The following KCTD1 variants were observed in gnomAD, a reference collection of about 807,000 sequenced individuals.
The protein encoded by KCTD1 is potassium channel tetramerization domain containing 1.
A neutral mutation model predicts 66.0 loss-of-function variants in KCTD1; 24 were observed. The ratio of observed to expected loss-of-function variants is 0.36; its 90% CI spans 0.26 to 0.51. The LOEUF is 0.51. Among genes scored for constraint, KCTD1 ranks in the 20% least tolerant of loss-of-function variants. KCTD1 has a pLI of 0.95. For synonymous variants in KCTD1, 511 were observed against 517.2 expected, an observed-to-expected ratio of 0.99 and a Z score of 0.16; for missense variants, 943 against 1,205.2, an observed-to-expected ratio of 0.78 and a Z score of 3.22.
At chr18:26,596,120 C>T (rs918781360) in intron 1 of KCTD1, among the ~76,000 whole-genome samples, 4 of 152,062 alleles carry the variant, frequency 2.6e-5, no homozygotes, top group African/African-American at 9.7e-5. Flanking sequence ...TTTGTATCCC[C>T]CACAGATTCA....
chr18:26,548,230 C>G lies in KCTD1; in HGVS notation c.307G>C (p.Glu103Gln), dbSNP rs1567989729. Residue 103 changes from glutamate to glutamine, a missense_variant, in exon 1 of 5, where the codon GAG becomes CAG. Transcript: ENST00000580059. ...EEEEMGLDWD[E>Q]PLEPEDSAGE... Reference sequence around the variant, plus strand: ...GCCGAGTCCTCGGGCTCCAGGGGCTCGTCCCAGTCCAGCCCCATCTCCTCC... The same window carrying G: ...GCCGAGTCCTCGGGCTCCAGGGGCTGGTCCCAGTCCAGCCCCATCTCCTCC... 2 of 1,510,332 alleles carry G rather than the reference C, an allele frequency of 1.3e-6. No individual in the cohort carries two copies. Among genetic ancestry groups the G allele is most frequent in the Non-Finnish European group, 1.8e-6 (2 of 1,133,098 alleles). 93.6% of individuals were successfully genotyped at this position (1,510,332 alleles called of 1,614,324 possible).
upstream of KCTD1, among the ~76,000 whole-genome samples, chr18:26,553,308 A>G (rs1236208506): frequency 6.6e-6 from 1 of 151,838 alleles, no homozygotes; most frequent in African/African-American, 2.4e-5. Context: ...TGTTTTTTGA[A>G]CTCAGATGAA....
chr18:26,647,338 C>CCA (rs1555649534), intron 1 of KCTD1, among the ~76,000 whole-genome samples: 2 of 149,340 alleles, frequency 1.3e-5, no homozygotes, highest in Non-Finnish European at 3.0e-5. Flanking sequence ...GAAACCCCCC[C>CCA]CCCATCTCTA....
chr18:26,488,333 T>C (rs1020769177), intron 2 of KCTD1, among the ~76,000 whole-genome samples: 3 of 152,200 alleles, frequency 2.0e-5, no homozygotes, highest in Admixed American at 1.3e-4. Flanking sequence ...TGATGTACCT[T>C]CTTTAGGGCC....
rs765620782 is a variant in KCTD1, at chr18:26,459,775, T to C, written c.2284A>G (p.Arg762Gly). 1 of 1,614,206 alleles carries C rather than the reference T, an allele frequency of 6.2e-7. No individual in the cohort carries two copies. Among genetic ancestry groups the C allele is most frequent in the Non-Finnish European group, 8.5e-7 (1 of 1,180,038 alleles). Reference protein sequence around the residue: ...VVRVAPDLGERITLSGDKSLI... With the variant: ...VVRVAPDLGEGITLSGDKSLI... ...GATTTGTCACCGCTTAGCGTGATCCTTTCTCCGAGGTCTGGGGCCACACGC... is the reference window on the plus strand; with the variant it reads ...GATTTGTCACCGCTTAGCGTGATCCCTTCTCCGAGGTCTGGGGCCACACGC... The change falls in exon 4 of 5, where the codon AGG (arginine) becomes GGG (glycine). Residue 762 changes from arginine (R) to glycine (G), a missense_variant. Physicochemically the swap from Arg to Gly is moderately radical, Grantham distance 125. Around this residue, in one of 10 missense-constraint regions of KCTD1, gnomAD observed 162 missense variants for 232.4 expected, o/e 0.70. Transcript: ENST00000580059.
At chr18:26,597,059 G>A (rs749953173) in intron 1 of KCTD1, among the ~76,000 whole-genome samples, 27 of 152,180 alleles carry the variant, frequency 1.8e-4, no homozygotes, top group Non-Finnish European at 3.4e-4. Context: ...GAGTCTCGGT[G>A]GGTAAAGAGA....
chr18:26,656,238 C>T (rs1261325227), intron 1 of KCTD1, among the ~76,000 whole-genome samples: 1 of 152,138 alleles, frequency 6.6e-6, no homozygotes, highest in Admixed American at 6.5e-5. Flanking sequence ...TGGCGCTGAC[C>T]GCAGCGCCGG....
chr18:26,539,103 G>A (rs1217609370), intron 1 of KCTD1, among the ~76,000 whole-genome samples: 1 of 152,042 alleles, frequency 6.6e-6, no homozygotes, highest in Non-Finnish European at 1.5e-5. Context: ...TCTTTTATTT[G>A]AACAGTTGAT....
chr18:26,602,212 T>C (rs1221821956), intron 1 of KCTD1, among the ~76,000 whole-genome samples: 1 of 152,242 alleles, frequency 6.6e-6, no homozygotes, highest in Admixed American at 6.5e-5. Flanking sequence ...GATTTTTCTG[T>C]GTCAATTGAG....
chr18:26,634,036 C>T (rs886206414), upstream of KCTD1, among the ~76,000 whole-genome samples: 1 of 152,172 alleles, frequency 6.6e-6, no homozygotes, highest in African/African-American at 2.4e-5. Context: ...ATCTCAAAAA[C>T]ATGCTGACAA....
Position 26,456,073 on chromosome 18 carries a change from A to T in KCTD1, c.2440-172T>A, listed in dbSNP as rs555382295. The T allele has an allele frequency of 3.3e-6, 2 of 602,286 alleles. 1 individual carries two copies. Among genetic ancestry groups the T allele is most frequent in the South Asian group, 4.9e-5 (2 of 40,806 alleles). The allele number at this position is 602,286 out of a possible 1,614,324, so 37.3% of individuals were successfully genotyped here. The stretch of plus-strand genomic sequence containing the variant: ...CTGGATTAATGGGCAGGAGAGAGGA[A>T]GCAAGCATTTCTAATGCCTAAAATG... On this transcript the variant is annotated intron_variant, in intron 4 of 4. Coordinates refer to ENST00000580059, the MANE Select transcript of KCTD1 (RefSeq NM_001142730.3).
chr18:26,475,110 C>T (rs888596425), intron 3 of KCTD1, among the ~76,000 whole-genome samples: 21 of 152,154 alleles, frequency 1.4e-4, no homozygotes, highest in African/African-American at 4.8e-4. Context: ...TTGTATATTT[C>T]AGTGCTGTCA....
intron 1 of KCTD1, among the ~76,000 whole-genome samples, chr18:26,622,388 C>T (rs1443465553): frequency 6.6e-6 from 1 of 152,192 alleles, no homozygotes; most frequent in Non-Finnish European, 1.5e-5. Context: ...ACCACAGACT[C>T]AACTTGCTCC....
upstream of KCTD1, chr18:26,629,261 AT>A (rs1349287408): frequency 2.5e-4 from 244 of 969,606 alleles, no homozygotes; most frequent in Non-Finnish European, 2.9e-4. Context: ...AAAGCGTAAA[AT>A]TGGGCCAGCC....
chr18:26,547,280 G>C lies in KCTD1; in HGVS notation c.1257C>G (p.Thr419=). 2 of 1,551,706 alleles carry C rather than the reference G, an allele frequency of 1.3e-6. No individual in the cohort carries two copies. The highest frequency in any genetic ancestry group is 1.7e-6 in the Non-Finnish European group (2 of 1,146,988). Residue 419 remains threonine, a synonymous_variant, in exon 1 of 5, where the codon ACC becomes ACG. Coordinates refer to ENST00000580059, the MANE Select transcript of KCTD1 (RefSeq NM_001142730.3). Reference sequence around the variant, plus strand: ...TGCCGATGGCTTTGTTCTCGTACCAGGTCACATCGCCCTCGCTGCAGTGGT... The same window carrying C: ...TGCCGATGGCTTTGTTCTCGTACCACGTCACATCGCCCTCGCTGCAGTGGT... The part of the protein sequence containing the change: ...PRDHCSEGDV[T]WYENKAIGKN...
intron 1 of KCTD1, among the ~76,000 whole-genome samples, chr18:26,588,323 G>T (rs957832145): frequency 3.3e-4 from 50 of 151,900 alleles, no homozygotes; most frequent in African/African-American, 1.1e-3. Flanking sequence ...GGAAGGGAAG[G>T]GAAAGGGAGG....
intron 1 of KCTD1, among the ~76,000 whole-genome samples, chr18:26,504,168 C>T (rs935942328): frequency 6.6e-6 from 1 of 152,004 alleles, no homozygotes; most frequent in African/African-American, 2.4e-5. Context: ...CTTCTGGGAT[C>T]AAGCGATCCC....
At chr18:26,647,194 T>C (rs1275272176) in intron 1 of KCTD1, among the ~76,000 whole-genome samples, 1 of 152,080 alleles carries the variant, frequency 6.6e-6, no homozygotes, top group Non-Finnish European at 1.5e-5. Flanking sequence ...CTTTGAAATA[T>C]AATATTCTCA....
At chr18:26,652,911 T>C (rs1988063035) in intron 1 of KCTD1, among the ~76,000 whole-genome samples, 3 of 152,226 alleles carry the variant, frequency 2.0e-5, no homozygotes, top group African/African-American at 2.4e-5. Flanking sequence ...GCCCGAAACT[T>C]AGGTGTCCAC....
Sources: allele counts gnomAD v4.1 joint callset (sites outside exome capture counted in the v4.1 genomes callset), GRCh38; gene constraint gnomAD v4.1.1; regional missense constraint gnomAD v4.1.1; transcripts MANE v1.5; gene names NCBI Gene and HGNC (gene_info 2026-07-23, HGNC 2026-07-21).